RUNX1: variants seen among roughly 807,000 people sequenced by gnomAD.
RUNX1 encodes the protein RUNX family transcription factor 1, also known as runt-related transcription factor 1.
In RUNX1, 19 loss-of-function variants were observed where a neutral mutation model predicts 42.8. The ratio of observed to expected loss-of-function variants is 0.44; its 90% confidence interval spans 0.31 to 0.65. The LOEUF (loss-of-function observed/expected upper bound fraction) is 0.65, where lower values mean the gene tolerates loss of function less well. Among genes scored for constraint, RUNX1 ranks in the 30% least tolerant of loss-of-function variants. The probability of loss-of-function intolerance (pLI) is 0.07; values close to 1 mark genes in which losing one functional copy is unlikely to be tolerated. For synonymous variants in RUNX1, 271 were observed against 289.4 expected, an observed-to-expected ratio of 0.94 and a Z score of 0.64; for missense variants, 528 against 672.0, an observed-to-expected ratio of 0.79 and a Z score of 2.37.
At chr21:34,886,503 G>A (rs1360337556) in intron 4 of RUNX1, among the ~76,000 whole-genome samples, 2 of 152,198 alleles carry the variant, frequency 1.3e-5, no homozygotes, top group Non-Finnish European at 2.9e-5. Context: ...GTTAGCAGAC[G>A]GGCTGTCTCT....
At position 34,907,097 on chromosome 21, in the gene RUNX1, A is replaced by G. The variant is rs886734908; in HGVS notation, c.59-14134T>C. ...CTTGATCGTGTATTCAAAGTCAGCC[A>G]GGAGGGTCATGTGCCCCCTTCAGTG... On this transcript the variant is annotated intron_variant, in intron 2 of 8. Transcript: ENST00000675419. The surrounding 1 kb of genome is among the most constrained non-coding windows in gnomAD (Gnocchi z 5.3). Among the ~76,000 whole-genome samples the G allele has an allele frequency of 1.3e-5, 2 of 152,198 alleles. No homozygotes were observed. The highest frequency in any genetic ancestry group is 2.9e-5 in the Non-Finnish European group (2 of 68,024).
chr21:34,812,879 T>C (rs779495588), intron 7 of RUNX1, among the ~76,000 whole-genome samples: 10 of 152,154 alleles, frequency 6.6e-5, no homozygotes, highest in Non-Finnish European at 1.0e-4. Flanking sequence ...GAGGTTGAGA[T>C]AGCAGACAAC....
intron 2 of RUNX1, among the ~76,000 whole-genome samples, chr21:35,040,985 C>A (rs1337094898): frequency 1.3e-5 from 2 of 152,106 alleles, no homozygotes; most frequent in Admixed American, 1.3e-4. Flanking sequence ...TACACATTTT[C>A]AGAAGCACAT....
chr21:34,867,849 CACCAGATTT>C (rs1429467442), intron 5 of RUNX1, among the ~76,000 whole-genome samples: 1 of 152,150 alleles, frequency 6.6e-6, no homozygotes, highest in Non-Finnish European at 1.5e-5. Context: ...CAAGGACAGC[CACCAGATTT>C]ACCAGTCTTC....
At chr21:34,903,105 T>A (rs955276200) in intron 2 of RUNX1, among the ~76,000 whole-genome samples, 2 of 152,218 alleles carry the variant, frequency 1.3e-5, no homozygotes, top group Middle Eastern at 3.2e-3. Flanking sequence ...ATTCTGCATC[T>A]TCTAGAAAAT....
intron 2 of RUNX1, among the ~76,000 whole-genome samples, chr21:34,909,270 T>C (rs1189790562): frequency 6.6e-6 from 1 of 152,138 alleles, no homozygotes; most frequent in Admixed American, 6.5e-5. Context: ...TTTGATATGG[T>C]GATCTCTGGA....
rs1432236291 is a variant in RUNX1 at position 34,886,903 on chromosome 21, G to A, written c.291C>T (p.Phe97=). 1.2e-6 allele frequency: 2 copies of A among 1,613,648 alleles called. No individual in the cohort carries two copies. Among genetic ancestry groups the A allele is most frequent in the Non-Finnish European group, 8.5e-7 (1 of 1,179,762 alleles). The change falls in exon 4 of 9, where the codon TTC becomes TTT. Residue 97 remains phenylalanine, a synonymous_variant. Coordinates refer to ENST00000675419, the MANE Select transcript of RUNX1 (RefSeq NM_001754.5). ...AGTGCGTAGGCAGCACGGAGCAGAG[G>A]AAGTTGGGGCTGTCGGTGCGCACCA... ...GELVRTDSPN[F]LCSVLPTHWR...
At chr21:34,918,174 G>A (rs948272016) in intron 2 of RUNX1, among the ~76,000 whole-genome samples, 2 of 148,562 alleles carry the variant, frequency 1.3e-5, no homozygotes, top group Non-Finnish European at 3.0e-5. Context: ...CCCAAGTGAT[G>A]ATGCTGTGTG....
chr21:34,831,202 A>G (rs2057058571), intron 7 of RUNX1, among the ~76,000 whole-genome samples: 1 of 152,226 alleles, frequency 6.6e-6, no homozygotes, highest in South Asian at 2.1e-4. Context: ...GGGTCTACTC[A>G]TGACAAAATG....
chr21:34,928,714 G>A (rs902848518), intron 2 of RUNX1, among the ~76,000 whole-genome samples: 18 of 151,798 alleles, frequency 1.2e-4, no homozygotes, highest in African/African-American at 3.6e-4. Flanking sequence ...CAACTAGAAG[G>A]CTGATTTAGA....
At chr21:34,864,768 A>G (rs2057632946) in intron 5 of RUNX1, among the ~76,000 whole-genome samples, 1 of 152,358 alleles carries the variant, frequency 6.6e-6, no homozygotes. Flanking sequence ...CAGGAGGACC[A>G]TTAGAAGACC....
At chr21:34,945,819 A>G (rs375577476) in intron 2 of RUNX1, among the ~76,000 whole-genome samples, 3 of 152,270 alleles carry the variant, frequency 2.0e-5, no homozygotes, top group African/African-American at 7.2e-5. Context: ...GTATCTATGA[A>G]TGTGAACTAT....
intron 7 of RUNX1, among the ~76,000 whole-genome samples, chr21:34,806,650 A>G (rs77659662): frequency 2.1e-3 from 313 of 152,330 alleles, no homozygotes; most frequent in African/African-American, 7.1e-3. Flanking sequence ...CATTTATGGA[A>G]TACTCTAACA....
chr21:34,876,067 G>T (rs1159411547), intron 5 of RUNX1, among the ~76,000 whole-genome samples: 1 of 152,174 alleles, frequency 6.6e-6, no homozygotes, highest in Non-Finnish European at 1.5e-5. Flanking sequence ...CTGCCAGGGA[G>T]GTCAATGTAA....
rs182907167 is a variant in RUNX1, at chr21:34,848,952, C to T, written c.613+10522G>A. On this transcript the variant is annotated intron_variant, in intron 6 of 8. Coordinates refer to ENST00000675419, the MANE Select transcript of RUNX1 (RefSeq NM_001754.5). ...TCTAGGAACTTATTTCAAATGTTTA[C>T]TCTTTATTTTAAATAATCAGAATAT... Among the ~76,000 whole-genome samples the T allele has an allele frequency of 6.0e-4, 91 of 152,014 alleles. 2 individuals are homozygous for T. In the East Asian group the frequency reaches 0.011, roughly 18 times the overall value.
chr21:34,881,196 A>G (rs959126707), intron 4 of RUNX1, among the ~76,000 whole-genome samples: 1 of 152,222 alleles, frequency 6.6e-6, no homozygotes, highest in Non-Finnish European at 1.5e-5. Context: ...TTGTAAGTTT[A>G]TAATCCAACC....
At chr21:34,985,916 A>G (rs2058883676) in intron 2 of RUNX1, among the ~76,000 whole-genome samples, 1 of 130,526 alleles carries the variant, frequency 7.7e-6, no homozygotes, top group Admixed American at 8.9e-5. Flanking sequence ...TCTGTCACCC[A>G]GGCTGGAGTA....
chr21:34,880,851 A>T, intron 4 of RUNX1, 138 bp from the exon 5 acceptor site: 1 of 709,940 alleles, frequency 1.4e-6, no homozygotes, highest in East Asian at 2.7e-5. Flanking sequence ...TAGCAATGAT[A>T]ACTTAAGCAA....
chr21:35,023,722 A>G (rs1471900483), intron 2 of RUNX1, among the ~76,000 whole-genome samples: 1 of 152,100 alleles, frequency 6.6e-6, no homozygotes, highest in Non-Finnish European at 1.5e-5. Context: ...GGGAAATGAA[A>G]GGGGGGCACA....
Sources: allele counts gnomAD v4.1 joint callset (sites outside exome capture counted in the v4.1 genomes callset), GRCh38; gene constraint gnomAD v4.1.1; non-coding constraint Gnocchi (gnomAD v3.1); transcripts MANE v1.5; gene names NCBI Gene and HGNC (gene_info 2026-07-23, HGNC 2026-07-21).